Variants in H2BC18 observed in about 807,000 individuals in gnomAD.
H2BC18 encodes histone H2B type 2-F.
H2BC18 carries 8 observed loss-of-function variants against 6.3 expected under a neutral mutation model. That is an observed-to-expected ratio of 1.28 (90% confidence interval 0.75 to 2.31). The LOEUF (loss-of-function observed/expected upper bound fraction) is 2.31. Among genes scored for constraint, H2BC18 ranks in the 30% most tolerant of loss-of-function variants. H2BC18 has a pLI of 0.00. For synonymous variants in H2BC18, 104 were observed against 78.1 expected (o/e 1.33, Z -1.75); for missense variants, 106 against 174.5 (o/e 0.61, Z 2.21).
chr1:149,808,748 T>C (rs1427149112), downstream of H2BC18, among the ~76,000 whole-genome samples: 1 of 152,194 alleles, frequency 6.6e-6, no homozygotes, highest in African/African-American at 2.4e-5. Context: ...TCATATGATC[T>C]GCTATAGTTC....
chr1:149,791,412 C>A, intron 1 of H2BC18: 1 of 1,601,560 alleles, frequency 6.2e-7, no homozygotes, highest in Non-Finnish European at 8.5e-7. Flanking sequence ...TAATTTCCAG[C>A]CTTCAAGAAG....
chr1:149,802,747 C>A (rs1202471445), intron 1 of H2BC18, among the ~76,000 whole-genome samples: 2 of 152,128 alleles, frequency 1.3e-5, no homozygotes, highest in African/African-American at 4.8e-5. Flanking sequence ...GGCCCAAAAG[C>A]CCCAGGCAAG....
At chr1:149,799,430 T>C (rs1403632493) in intron 1 of H2BC18, among the ~76,000 whole-genome samples, 1 of 152,232 alleles carries the variant, frequency 6.6e-6, no homozygotes, top group African/African-American at 2.4e-5. Flanking sequence ...CAGAATTTAA[T>C]AGGACCTTGC....
intron 1 of H2BC18, among the ~76,000 whole-genome samples, chr1:149,799,693 A>T (rs1489603028): frequency 2.6e-5 from 4 of 152,092 alleles, no homozygotes; most frequent in Non-Finnish European, 5.9e-5. Context: ...CTGTTACATG[A>T]GTTTGGAACA....
In H2BC18 at chr1:149,791,493, G is replaced by C. The variant is rs781783687; in HGVS notation, c.378-8233C>G. 4.3e-6 allele frequency: 7 copies of C among 1,609,602 alleles called. No homozygotes were observed. In the South Asian group the frequency reaches 7.7e-5, roughly 18 times the overall value. On this transcript the variant is annotated intron_variant, in intron 1 of 1. Coordinates refer to the H2BC18 transcript ENST00000545683. ...AACAGCTGCAGGAAGGGGTGCACCGGAAGGAGCCCCAGGGGGCCACGTAGC... is the reference window on the plus strand; with the variant it reads ...AACAGCTGCAGGAAGGGGTGCACCGCAAGGAGCCCCAGGGGGCCACGTAGC...
At chr1:149,803,895 C>T (rs1419826651) in intron 1 of H2BC18, 1 of 152,196 alleles carries the variant, frequency 6.6e-6, no homozygotes, top group African/African-American at 2.4e-5. Flanking sequence ...GAGAAAAAAC[C>T]TTGTTTTCTT....
At chr1:149,798,523 C>T (rs1221395058) in intron 1 of H2BC18, among the ~76,000 whole-genome samples, 2 of 151,274 alleles carry the variant, frequency 1.3e-5, no homozygotes, top group African/African-American at 4.9e-5. Context: ...TTGTTAAATG[C>T]AAACAATTCA....
chr1:149,798,909 G>A (rs1450716268), intron 1 of H2BC18, among the ~76,000 whole-genome samples: 1 of 151,402 alleles, frequency 6.6e-6, no homozygotes, highest in Non-Finnish European at 1.5e-5. Flanking sequence ...CACCATGTAA[G>A]CCCACATTTT....
At chr1:149,806,537 G>A (rs1481989226) in intron 1 of H2BC18, among the ~76,000 whole-genome samples, 10 of 151,914 alleles carry the variant, frequency 6.6e-5, no homozygotes, top group Non-Finnish European at 1.5e-4. Context: ...GCAGTGAGCC[G>A]AGATTGCACC....
rs77677444 is a variant in H2BC18, at chr1:149,792,264, G to A, written c.378-9004C>T. The A allele has an allele frequency of 0.02, 3,825 of 192,516 alleles. 266 individuals are homozygous for A. The East Asian group carries it at 0.23, about 12-fold the overall frequency. The allele number at this position is 192,516 out of a possible 1,614,324, so 11.9% of individuals were successfully genotyped here. A position where few individuals can be genotyped will look rare whatever the true frequency, so the allele number is the denominator to read the frequency against. On this transcript the variant is annotated intron_variant, in intron 1 of 1. Coordinates refer to the H2BC18 transcript ENST00000545683. ...GATTAAGTCCAAATCTCCAAGTGCG[G>A]CACTGCAAAGAGACGCTTCAAGTGG...
At chr1:149,789,943 T>A in intron 1 of H2BC18, 2 of 1,603,780 alleles carry the variant, frequency 1.2e-6, no homozygotes, top group Non-Finnish European at 1.7e-6. Flanking sequence ...TAATGCCTTA[T>A]GGATGCATTT....
chr1:149,786,952 A>C (rs1190158029), intron 1 of H2BC18: 8 of 152,150 alleles, frequency 5.3e-5, no homozygotes, highest in Non-Finnish European at 8.8e-5. Context: ...GTGTTTGAAA[A>C]GCATATGAAT....
intron 1 of H2BC18, chr1:149,790,163 G>T (rs781973576): frequency 6.2e-7 from 1 of 1,614,002 alleles, no homozygotes; most frequent in African/African-American, 1.3e-5. Flanking sequence ...GGCCTGGTTT[G>T]CAGCTTTACT....
chr1:149,803,391 A>G (rs587694784), intron 1 of H2BC18, among the ~76,000 whole-genome samples: 10 of 152,186 alleles, frequency 6.6e-5, no homozygotes, highest in Non-Finnish European at 1.2e-4. Flanking sequence ...ATTTGCAGTT[A>G]TTGTCCTTTG....
chr1:149,804,696 T>C (rs2091902188), intron 1 of H2BC18, among the ~76,000 whole-genome samples: 1 of 152,210 alleles, frequency 6.6e-6, no homozygotes, highest in Non-Finnish European at 1.5e-5. Flanking sequence ...TTAATCTTCA[T>C]ATCAAGCCTA....
At chr1:149,799,473 G>A (rs1268002473) in intron 1 of H2BC18, among the ~76,000 whole-genome samples, 2 of 151,950 alleles carry the variant, frequency 1.3e-5, no homozygotes, top group South Asian at 2.1e-4. Context: ...TTTAGATCCT[G>A]TGAAATATCC....
chr1:149,784,780 T>C (rs2091496951), intron 1 of H2BC18, among the ~76,000 whole-genome samples: 1 of 151,114 alleles, frequency 6.6e-6, no homozygotes, highest in Non-Finnish European at 1.5e-5. Flanking sequence ...TATTGTCCTA[T>C]ATCTTACTTT....
intron 1 of H2BC18, among the ~76,000 whole-genome samples, chr1:149,800,857 C>T (rs868908951): frequency 1.1e-4 from 16 of 151,976 alleles, no homozygotes; most frequent in South Asian, 1.0e-3. Context: ...AGGCCAAGGT[C>T]GGTGGATCCC....
chr1:149,784,371 C>A, intron 1 of H2BC18: 2 of 1,602,808 alleles, frequency 1.2e-6, no homozygotes, highest in Non-Finnish European at 1.7e-6. Flanking sequence ...GGTCTCAGCA[C>A]TATGTACCTA....
Sources: allele counts gnomAD v4.1 joint callset (sites outside exome capture counted in the v4.1 genomes callset), GRCh38; gene constraint gnomAD v4.1.1; transcripts MANE v1.5; gene names NCBI Gene and HGNC (gene_info 2026-07-23, HGNC 2026-07-21).